Variants in BBS12 observed in about 807,000 individuals in gnomAD.
The protein encoded by BBS12 is Bardet-Biedl syndrome 12, also known as chaperonin-containing T-complex member BBS12.
BBS12 carries 5 observed loss-of-function variants against 5.6 expected under a neutral mutation model. That is an observed-to-expected ratio of 0.89 (90% CI 0.46 to 1.86). BBS12 has a LOEUF of 1.86. Ranked by LOEUF, BBS12 falls within the 40% of genes most tolerant of loss-of-function variation. BBS12 has a pLI of 0.01. For missense variants in BBS12, 748 were observed against 830.4 expected (o/e 0.90, Z 1.22); for synonymous variants, 308 against 306.8 (o/e 1.00, Z -0.04).
At chr4:122,734,245 C>T (rs1380072716) in intron 1 of BBS12, among the ~76,000 whole-genome samples, 1 of 152,004 alleles carries the variant, frequency 6.6e-6, no homozygotes, top group African/African-American at 2.4e-5. Flanking sequence ...TGGAAAGTTG[C>T]TCTTGATCAG....
the BBS12 span, among the ~76,000 whole-genome samples, chr4:122,718,403 A>T: frequency 6.6e-6 from 1 of 152,190 alleles, no homozygotes; most frequent in Non-Finnish European, 1.5e-5. Context: ...TCAGGATATG[A>T]TGAACTAACT....
chr4:122,741,983 G>C lies in BBS12; in HGVS notation c.91G>C (p.Gly31Arg). The change falls in exon 2 of 2, where the codon GGC (glycine) becomes CGC (arginine). Residue 31 changes from glycine to arginine, a missense_variant. Transcript: ENST00000314218. ...CGCGGAAACAGGAAGAACTTTCCTAGGCCCACTAAAATCATCCAAATTTAT... is the reference window on the plus strand; with the variant it reads ...CGCGGAAACAGGAAGAACTTTCCTACGCCCACTAAAATCATCCAAATTTAT... ...SFAETGRTFL[G>R]PLKSSKFIID... 6.2e-7 allele frequency: 1 copy of C among 1,613,594 alleles called. No homozygotes were observed. The highest frequency in any genetic ancestry group is 8.5e-7 in the Non-Finnish European group (1 of 1,179,690).
At chr4:122,717,635 T>G in the BBS12 span, among the ~76,000 whole-genome samples, 1 of 152,152 alleles carries the variant, frequency 6.6e-6, no homozygotes, top group Non-Finnish European at 1.5e-5. Context: ...GCTCAGGCAA[T>G]CCTCCCACCT....
the BBS12 span, among the ~76,000 whole-genome samples, chr4:122,723,067 TCTC>T: frequency 6.6e-6 from 1 of 152,200 alleles, no homozygotes; most frequent in South Asian, 2.1e-4. Context: ...GTGGGTTTTC[TCTC>T]CTATTAAAAT....
At chr4:122,727,163 T>C in the BBS12 span, among the ~76,000 whole-genome samples, 1 of 152,206 alleles carries the variant, frequency 6.6e-6, no homozygotes, top group Non-Finnish European at 1.5e-5. Context: ...AAATAACAAA[T>C]GGTACAATGC....
intron 1 of BBS12, among the ~76,000 whole-genome samples, chr4:122,733,370 A>AC (rs1800731197): frequency 1.4e-5 from 1 of 69,318 alleles, no homozygotes; most frequent in Non-Finnish European, 2.6e-5. Context: ...CCCGCCCTCC[A>AC]ACCCCAACAC....
the BBS12 span, among the ~76,000 whole-genome samples, chr4:122,716,660 CAT>C: frequency 2.0e-3 from 117 of 59,622 alleles, 11 homozygotes; most frequent in Middle Eastern, 0.022. Flanking sequence ...TGTATATGCA[CAT>C]ACACATATGT....
the BBS12 span, among the ~76,000 whole-genome samples, chr4:122,721,566 C>T: frequency 1.0e-3 from 159 of 152,258 alleles, no homozygotes; most frequent in South Asian, 3.9e-3. Context: ...AGCAGATTGT[C>T]TATTATGCCC....
At chr4:122,741,781 T>C (rs1800875375) in intron 1 of BBS12, 102 bp from the exon 2 acceptor site, 5 of 953,360 alleles carry the variant, frequency 5.2e-6, no homozygotes, top group African/African-American at 3.3e-5. Flanking sequence ...GGAAATTATA[T>C]GTACCTCAAA....
chr4:122,717,598 C>T, the BBS12 span, among the ~76,000 whole-genome samples: 2 of 152,158 alleles, frequency 1.3e-5, no homozygotes, highest in Non-Finnish European at 2.9e-5. Flanking sequence ...GGCGTGATCA[C>T]GGCTCACTGT....
chr4:122,739,791 T>C (rs1185294896), intron 1 of BBS12, among the ~76,000 whole-genome samples: 1 of 152,236 alleles, frequency 6.6e-6, no homozygotes, highest in Non-Finnish European at 1.5e-5. Flanking sequence ...AATGACAAGC[T>C]GTCTCTCCCC....
chr4:122,700,810 G>A, the BBS12 span, among the ~76,000 whole-genome samples: 2 of 152,198 alleles, frequency 1.3e-5, no homozygotes, highest in Non-Finnish European at 2.9e-5. Flanking sequence ...TACAGCAGTG[G>A]AGAAGAGGGT....
chr4:122,715,537 T>G, the BBS12 span, among the ~76,000 whole-genome samples: 13 of 152,304 alleles, frequency 8.5e-5, no homozygotes, highest in East Asian at 1.7e-3. Context: ...TCATTTGGGC[T>G]AGCAGTGAAA....
chr4:122,740,827 T>G (rs1446840316), intron 1 of BBS12, among the ~76,000 whole-genome samples: 2 of 152,216 alleles, frequency 1.3e-5, no homozygotes, highest in Admixed American at 1.3e-4. Flanking sequence ...TAAAACATGG[T>G]GCCAGACATT....
the BBS12 span, among the ~76,000 whole-genome samples, chr4:122,718,804 G>C: frequency 6.6e-6 from 1 of 151,772 alleles, no homozygotes; most frequent in Non-Finnish European, 1.5e-5. Context: ...TTAGGTTCCC[G>C]ACTCTGTCTT....
At position 122,742,132 on chromosome 4, in the gene BBS12, A is replaced by G; in HGVS notation, c.240A>G (p.Thr80=). Residue 80 remains threonine, a synonymous_variant, in exon 2 of 2, where the codon ACA becomes ACG. Coordinates refer to ENST00000314218, the MANE Select transcript of BBS12 (RefSeq NM_152618.3). ...LNEAVQAQNN[T]YRTGISTLLF... is the part of the protein sequence containing the mutation. ...AAGCAGTTCAAGCACAAAACAACACATATAGAACTGGAATCAGTACTCTTT... is the reference window on the plus strand; with the variant it reads ...AAGCAGTTCAAGCACAAAACAACACGTATAGAACTGGAATCAGTACTCTTT... The G allele has an allele frequency of 5.6e-6, 9 of 1,614,136 alleles. No homozygotes were observed. Among genetic ancestry groups the G allele is most frequent in the Non-Finnish European group, 7.6e-6 (9 of 1,180,032 alleles).
intron 1 of BBS12, among the ~76,000 whole-genome samples, chr4:122,734,426 C>T (rs759979337): frequency 2.6e-5 from 4 of 152,090 alleles, no homozygotes; most frequent in Admixed American, 1.3e-4. Context: ...CCACCGCGCC[C>T]GGCTAATTTT....
At chr4:122,735,382 A>G (rs1800770607) in intron 1 of BBS12, among the ~76,000 whole-genome samples, 1 of 152,350 alleles carries the variant, frequency 6.6e-6, no homozygotes, top group East Asian at 1.9e-4. Flanking sequence ...AGGCACATAT[A>G]TCAAGCCAAG....
chr4:122,743,068 A>G lies in BBS12; in HGVS notation c.1176A>G (p.Ser392=). ...GCATGCGGCTTCAAGAAGACAGCTC[A>G]GAAGAACTGTGGGCAAATCACGTGT... ...LDSMRLQEDS[S]EELWANHVLQ... Residue 392 remains serine, a synonymous_variant, in exon 2 of 2, where the codon TCA becomes TCG. Coordinates refer to ENST00000314218, the MANE Select transcript of BBS12 (RefSeq NM_152618.3). 1 of 1,614,248 alleles carries G rather than the reference A, an allele frequency of 6.2e-7. No homozygotes were observed. The highest frequency in any genetic ancestry group is 8.5e-7 in the Non-Finnish European group (1 of 1,180,022).
Sources: allele counts gnomAD v4.1 joint callset (sites outside exome capture counted in the v4.1 genomes callset), GRCh38; gene constraint gnomAD v4.1.1; transcripts MANE v1.5; gene names NCBI Gene and HGNC (gene_info 2026-07-23, HGNC 2026-07-21).